ROBO1: variants seen among roughly 807,000 people sequenced by gnomAD.
ROBO1 encodes roundabout homolog 1.
A neutral mutation model predicts 195.9 loss-of-function variants in ROBO1; 149 were observed. The ratio of observed to expected loss-of-function variants is 0.76; its 90% CI spans 0.67 to 0.87. The LOEUF (loss-of-function observed/expected upper bound fraction) is 0.87. Ranked by LOEUF, ROBO1 falls within the 40% of genes least tolerant of loss-of-function variation. The pLI, the probability that ROBO1 is intolerant of heterozygous loss-of-function variation, is 0.00. For missense variants in ROBO1, 1,933 were observed against 2,068.3 expected, an observed-to-expected ratio of 0.93 and a Z score of 1.27; for synonymous variants, 816 against 733.2, an observed-to-expected ratio of 1.11 and a Z score of -1.82.
chr3:78,765,543 C>T lies in ROBO1; in HGVS notation c.500-18643G>A, dbSNP rs143424538. ...TCATGAAGATAGTGCTTTTACTAAGCGAAAGAGTAGGAGATACACTGCCCA... is the reference window on the plus strand; with the variant it reads ...TCATGAAGATAGTGCTTTTACTAAGTGAAAGAGTAGGAGATACACTGCCCA... On this transcript the variant is annotated intron_variant, in intron 4 of 30. Coordinates refer to ENST00000464233, the MANE Select transcript of ROBO1 (RefSeq NM_002941.4). 1.7e-3 allele frequency among the ~76,000 whole-genome samples: 264 copies of T among 151,560 alleles called. 1 individual carries two copies. The highest frequency in any genetic ancestry group is 6.2e-3 in the African/African-American group (255 of 41,354).
chr3:79,729,666 C>A (rs1226606091), intron 1 of ROBO1, among the ~76,000 whole-genome samples: 2 of 152,120 alleles, frequency 1.3e-5, no homozygotes, highest in Non-Finnish European at 2.9e-5. Flanking sequence ...TTTTGCTTTG[C>A]ATCATTGTTG....
In ROBO1 at chr3:78,659,304, AG is replaced by A. The variant is rs532073004; in HGVS notation, c.2442+381del. ...GTTCATATACACAAATTTCATAAAG[AG>A]GTTTCTCAATTTGTTTTTAAAAATC... On this transcript the variant is annotated intron_variant, in intron 17 of 30. Coordinates refer to ENST00000464233, the MANE Select transcript of ROBO1 (RefSeq NM_002941.4). 1.7e-4 allele frequency among the ~76,000 whole-genome samples: 26 copies of A among 152,322 alleles called. No homozygotes were observed. The South Asian group carries it at 4.6e-3, about 27-fold the overall frequency.
At chr3:79,314,440 C>T (rs1476709370) in intron 2 of ROBO1, among the ~76,000 whole-genome samples, 1 of 152,084 alleles carries the variant, frequency 6.6e-6, no homozygotes, top group Non-Finnish European at 1.5e-5. Flanking sequence ...GGGGCTTTTC[C>T]CCTTTCTGCT....
At chr3:79,360,534 T>C (rs530442007) in intron 2 of ROBO1, among the ~76,000 whole-genome samples, 1 of 152,130 alleles carries the variant, frequency 6.6e-6, no homozygotes, top group East Asian at 1.9e-4. Context: ...AGCTACAGTT[T>C]TGCATATTAA....
intron 3 of ROBO1, among the ~76,000 whole-genome samples, chr3:78,968,611 G>GA (rs199573537): frequency 3.4e-4 from 48 of 142,960 alleles, no homozygotes; most frequent in East Asian, 8.0e-4. Flanking sequence ...TCTCCAAAAA[G>GA]AAAAAAAAAA....
intron 1 of ROBO1, among the ~76,000 whole-genome samples, chr3:79,736,429 G>T (rs1449535160): frequency 6.6e-6 from 1 of 152,168 alleles, no homozygotes; most frequent in Non-Finnish European, 1.5e-5. Flanking sequence ...TTATTATTAA[G>T]ATATTGTTCT....
intron 3 of ROBO1, among the ~76,000 whole-genome samples, chr3:79,046,729 G>A (rs1304080900): frequency 1.3e-5 from 2 of 151,950 alleles, no homozygotes; most frequent in Non-Finnish European, 2.9e-5. Flanking sequence ...TGATTAGATG[G>A]TGCCTACCCA....
At chr3:79,537,250 T>C (rs1941907495) in intron 2 of ROBO1, among the ~76,000 whole-genome samples, 1 of 152,058 alleles carries the variant, frequency 6.6e-6, no homozygotes, top group African/African-American at 2.4e-5. Context: ...AAGGTTGTCT[T>C]GGGTTAGATT....
intron 1 of ROBO1, among the ~76,000 whole-genome samples, chr3:79,747,544 G>T (rs1454425727): frequency 6.6e-6 from 1 of 151,960 alleles, no homozygotes; most frequent in Admixed American, 6.6e-5. Flanking sequence ...TACATTGATG[G>T]CTTATGTGAT....
intron 2 of ROBO1, among the ~76,000 whole-genome samples, chr3:79,164,103 A>G (rs1228784505): frequency 2.8e-4 from 42 of 152,116 alleles, no homozygotes. Context: ...CAAATTTGAT[A>G]TTTAAAATGG....
chr3:79,044,166 T>C (rs887949609), intron 3 of ROBO1, among the ~76,000 whole-genome samples: 2 of 151,916 alleles, frequency 1.3e-5, no homozygotes, highest in Admixed American at 1.3e-4. Flanking sequence ...CTCATCATCT[T>C]TTAAGAAAGT....
At chr3:78,912,379 T>G (rs1363009104) in intron 4 of ROBO1, among the ~76,000 whole-genome samples, 1 of 152,028 alleles carries the variant, frequency 6.6e-6, no homozygotes, top group African/African-American at 2.4e-5. Context: ...ATACCAGCTG[T>G]CTCCACTCCG....
At chr3:79,356,604 T>C (rs2035563996) in intron 2 of ROBO1, among the ~76,000 whole-genome samples, 1 of 152,204 alleles carries the variant, frequency 6.6e-6, no homozygotes, top group Non-Finnish European at 1.5e-5. Context: ...ATTCTTGGGA[T>C]CTAATCTTTA....
chr3:79,553,404 C>T (rs533836940), intron 2 of ROBO1, among the ~76,000 whole-genome samples: 1 of 152,100 alleles, frequency 6.6e-6, no homozygotes, highest in South Asian at 2.1e-4. Flanking sequence ...ACACAGGATA[C>T]AGTTTCATCA....
intron 2 of ROBO1, among the ~76,000 whole-genome samples, chr3:79,184,650 A>G (rs1251964992): frequency 2.0e-5 from 3 of 152,126 alleles, no homozygotes; most frequent in Non-Finnish European, 4.4e-5. Flanking sequence ...GAAGAGCTGT[A>G]TTAATGGTAA....
At chr3:79,086,158 G>A (rs185141583) in intron 3 of ROBO1, among the ~76,000 whole-genome samples, 279 of 151,188 alleles carry the variant, frequency 1.8e-3, no homozygotes, top group African/African-American at 6.2e-3. Flanking sequence ...TAGGTACAGA[G>A]GACAATAATA....
chr3:78,625,591 G>A (rs762796622), intron 26 of ROBO1, among the ~76,000 whole-genome samples: 1 of 152,136 alleles, frequency 6.6e-6, no homozygotes, highest in Non-Finnish European at 1.5e-5. Flanking sequence ...ACAAAGCAAC[G>A]GGATGATGGC....
intron 2 of ROBO1, among the ~76,000 whole-genome samples, chr3:79,439,027 TG>T (rs2038972921): frequency 6.6e-6 from 1 of 152,070 alleles, no homozygotes; most frequent in African/African-American, 2.4e-5. Flanking sequence ...TTTCAATGTT[TG>T]GATGAGTGAT....
chr3:78,624,302 C>A (rs1025790166), intron 26 of ROBO1, among the ~76,000 whole-genome samples: 2 of 151,970 alleles, frequency 1.3e-5, no homozygotes, highest in African/African-American at 4.8e-5. Flanking sequence ...TCAAAAATTT[C>A]TATAGTAAAC....
Sources: allele counts gnomAD v4.1 joint callset (sites outside exome capture counted in the v4.1 genomes callset), GRCh38; gene constraint gnomAD v4.1.1; transcripts MANE v1.5; gene names NCBI Gene and HGNC (gene_info 2026-07-23, HGNC 2026-07-21).